Variants in CEP63 observed in about 807,000 individuals in gnomAD.
The protein encoded by CEP63 is centrosomal protein 63.
Under a neutral mutation model 89.1 loss-of-function variants are expected in CEP63, and 84 were observed. That is an observed-to-expected ratio of 0.94 (90% CI 0.79 to 1.13). The LOEUF is 1.13. Ranked by LOEUF, CEP63 falls within the 50% of genes most tolerant of loss-of-function variation. The pLI is 0.00. For missense variants in CEP63, 838 were observed against 813.3 expected, an observed-to-expected ratio of 1.03 and a Z score of -0.37; for synonymous variants, 267 against 272.5, an observed-to-expected ratio of 0.98 and a Z score of 0.20.
chr3:134,538,282 A>C (rs1320985250), intron 6 of CEP63, among the ~76,000 whole-genome samples: 1 of 147,334 alleles, frequency 6.8e-6, no homozygotes, highest in African/African-American at 2.5e-5. Context: ...ATAATGCATT[A>C]ACTTTTTGTT....
the CEP63 span, among the ~76,000 whole-genome samples, chr3:134,686,021 G>C: frequency 6.6e-6 from 1 of 152,196 alleles, no homozygotes; most frequent in Non-Finnish European, 1.5e-5. Context: ...CCTGTGGCAG[G>C]GCTGGGGTCC....
At chr3:134,683,468 A>G in the CEP63 span, among the ~76,000 whole-genome samples, 2 of 152,180 alleles carry the variant, frequency 1.3e-5, no homozygotes, top group South Asian at 4.1e-4. Flanking sequence ...TGATTTAAGT[A>G]TTTTATAAAG....
At chr3:134,599,651 C>T in the CEP63 span, among the ~76,000 whole-genome samples, 1 of 151,998 alleles carries the variant, frequency 6.6e-6, no homozygotes, top group African/African-American at 2.4e-5. Context: ...TTAAAATTTT[C>T]AAGTTAAACA....
At chr3:134,505,530 C>T (rs1367736341) in intron 2 of CEP63, among the ~76,000 whole-genome samples, 1 of 152,196 alleles carries the variant, frequency 6.6e-6, no homozygotes, top group Non-Finnish European at 1.5e-5. Flanking sequence ...GGCTTGTCCT[C>T]AGGCTCCCAG....
At chr3:134,578,245 A>G (rs539221730), downstream of CEP63, among the ~76,000 whole-genome samples, 12 of 152,188 alleles carry the variant, frequency 7.9e-5, no homozygotes, top group African/African-American at 2.6e-4. Flanking sequence ...CAACAGTGTA[A>G]AAGCGTTCCT....
chr3:134,742,939 G>A, the CEP63 span, among the ~76,000 whole-genome samples: 2 of 152,350 alleles, frequency 1.3e-5, no homozygotes, highest in East Asian at 3.9e-4. Flanking sequence ...GCAGCACAAA[G>A]TGGACTAAGA....
the CEP63 span, among the ~76,000 whole-genome samples, chr3:134,656,767 C>T: frequency 6.6e-6 from 1 of 152,114 alleles, no homozygotes; most frequent in Non-Finnish European, 1.5e-5. Context: ...GGGCCACGCC[C>T]CAGCTCAGTT....
the CEP63 span, among the ~76,000 whole-genome samples, chr3:134,731,430 A>G: frequency 1.3e-5 from 2 of 152,210 alleles, no homozygotes; most frequent in Admixed American, 1.3e-4. Context: ...ATCCCAATGC[A>G]ATAAAATGAG....
chr3:134,548,971 T>G, intron 9 of CEP63, 91 bp from the exon 10 acceptor site: 1 of 768,518 alleles, frequency 1.3e-6, no homozygotes, highest in Non-Finnish European at 2.3e-6. Flanking sequence ...GGCTGGATAT[T>G]TTTTGGATAT....
chr3:134,495,474 G>C, intron 2 of CEP63, 110 bp downstream of exon 2: 1 of 752,074 alleles, frequency 1.3e-6, no homozygotes, highest in Non-Finnish European at 2.4e-6. Context: ...GATCAAATAA[G>C]GGTATTTAGT....
intron 6 of CEP63, 129 bp downstream of exon 6, chr3:134,537,397 T>G (rs1950979091): frequency 1.5e-6 from 1 of 685,898 alleles, no homozygotes; most frequent in Admixed American, 2.1e-5. Flanking sequence ...CTCTCTTGTT[T>G]AGGAAGCCTC....
chr3:134,602,361 G>C, the CEP63 span, among the ~76,000 whole-genome samples: 1 of 152,296 alleles, frequency 6.6e-6, no homozygotes, highest in Admixed American at 6.5e-5. Context: ...GTCTGTGCCT[G>C]AGCAAGCAAG....
the CEP63 span, among the ~76,000 whole-genome samples, chr3:134,696,459 T>C: frequency 6.6e-6 from 1 of 152,200 alleles, no homozygotes; most frequent in Non-Finnish European, 1.5e-5. Flanking sequence ...GACCAAGCCT[T>C]GTGCTGCTCA....
chr3:134,612,487 A>G, the CEP63 span, among the ~76,000 whole-genome samples: 1 of 152,240 alleles, frequency 6.6e-6, no homozygotes, highest in Non-Finnish European at 1.5e-5. Flanking sequence ...GGTTGTTCTC[A>G]GGATGAGGAA....
chr3:134,604,247 T>C, the CEP63 span: 1 of 1,613,932 alleles, frequency 6.2e-7, no homozygotes, highest in Non-Finnish European at 8.5e-7. Flanking sequence ...TGGACACCCA[T>C]GTCCACATAA....
At chr3:134,741,783 T>C in the CEP63 span, among the ~76,000 whole-genome samples, 1 of 152,234 alleles carries the variant, frequency 6.6e-6, no homozygotes, top group Non-Finnish European at 1.5e-5. Context: ...CTTATGGATG[T>C]TTGTGTCTGT....
the CEP63 span, among the ~76,000 whole-genome samples, chr3:134,601,835 G>A: frequency 6.6e-6 from 1 of 152,244 alleles, no homozygotes; most frequent in Non-Finnish European, 1.5e-5. Context: ...GATCCCGGGG[G>A]ATAATGAACA....
chr3:134,561,710 G>T lies in CEP63; in HGVS notation c.*175G>T. On this transcript the variant is annotated 3_prime_UTR_variant, in exon 15 of 15. Transcript: ENST00000675561. ...TTTTGATAGGCATTTTCTCTGCACTGGTTTGTTTAAAGGACTTCTTCCAGC... is the reference window on the plus strand; with the variant it reads ...TTTTGATAGGCATTTTCTCTGCACTTGTTTGTTTAAAGGACTTCTTCCAGC... 7.0e-7 allele frequency: 1 copy of T among 1,429,098 alleles called. No homozygotes were observed. Among genetic ancestry groups the T allele is most frequent in the Non-Finnish European group, 9.1e-7 (1 of 1,097,506 alleles). 88.5% of individuals were successfully genotyped at this position (1,429,098 alleles called of 1,614,324 possible). A position where few individuals can be genotyped will look rare whatever the true frequency, so the allele number is the denominator to read the frequency against.
chr3:134,652,065 T>C, the CEP63 span, among the ~76,000 whole-genome samples: 1,170 of 152,292 alleles, frequency 7.7e-3, 19 homozygotes, highest in African/African-American at 0.027. Context: ...CAGATCCTCC[T>C]TGGAGCAGCC....
Sources: gnomAD v4.1 joint callset for allele counts (sites outside exome capture counted in the v4.1 genomes callset) on GRCh38, gnomAD v4.1.1 for gene constraint, MANE v1.5 for transcripts, NCBI Gene and HGNC (gene_info 2026-07-23, HGNC 2026-07-21) for gene names.